PAK3: variants seen among roughly 807,000 people sequenced by gnomAD.
PAK3 encodes the protein serine/threonine-protein kinase PAK 3.
Under a neutral mutation model 41.0 loss-of-function variants are expected in PAK3, and 4 were observed. The ratio of observed to expected loss-of-function variants is 0.10; its 90% CI spans 0.05 to 0.22. PAK3 has a LOEUF of 0.22. Among genes scored for constraint, PAK3 ranks in the 10% least tolerant of loss-of-function variants. The pLI, the probability that PAK3 is intolerant of heterozygous loss-of-function variation, is 1.00. For synonymous variants in PAK3, 146 were observed against 139.6 expected, an observed-to-expected ratio of 1.05 and a Z score of -0.32; for missense variants, 205 against 409.9, an observed-to-expected ratio of 0.50 and a Z score of 4.32.
chrX:111,093,337 T>C (rs1040765805), upstream of PAK3, among the ~76,000 whole-genome samples: 4 of 111,752 alleles, frequency 3.6e-5, no homozygotes, highest in African/African-American at 9.8e-5. Flanking sequence ...GATGGGGAGA[T>C]ACAAAAGTGG....
chrX:111,200,463 T>C (rs1270452096), intron 16 of PAK3, among the ~76,000 whole-genome samples: 2 of 111,816 alleles, frequency 1.8e-5, no homozygotes, highest in African/African-American at 6.5e-5. Context: ...CATGCAACAA[T>C]CTGGAAATGA....
At position 110,944,802 on chromosome X, in the gene PAK3, C is replaced by A. The variant is rs1184572582; in HGVS notation, c.-28+174C>A. 6.2e-5 allele frequency among the ~76,000 whole-genome samples: 7 copies of A among 112,214 alleles called. 1 individual carries two copies. Among genetic ancestry groups the A allele is most frequent in the Non-Finnish European group, 5.6e-5 (3 of 53,189 alleles). ...AGGCAGCTGGTTCCCTTTGCCAGTT[C>A]GCCTTCCTTTTTGGTTCATGGCGAG... On this transcript the variant is annotated intron_variant, in intron 1 of 14. Coordinates refer to the PAK3 transcript ENST00000425146.
intron 1 of PAK3, among the ~76,000 whole-genome samples, chrX:110,971,953 C>T (rs1602592329): frequency 9.0e-6 from 1 of 111,282 alleles, no homozygotes; most frequent in Admixed American, 9.6e-5. Context: ...AATAAAACTT[C>T]TTGGCACCCT....
chrX:110,997,924 C>G (rs1020564171), intron 1 of PAK3, among the ~76,000 whole-genome samples: 6 of 111,219 alleles, frequency 5.4e-5, no homozygotes, highest in South Asian at 3.8e-4. Flanking sequence ...TATGAGAAAG[C>G]GGGCCCTCAC....
At chrX:111,180,256 C>T (rs1405619921) in intron 11 of PAK3, among the ~76,000 whole-genome samples, 1 of 111,560 alleles carries the variant, frequency 9.0e-6, no homozygotes, top group African/African-American at 3.3e-5. Context: ...TCAAACTATT[C>T]CATCTTTAGC....
At chrX:111,112,023 T>C (rs2093381873) in intron 4 of PAK3, among the ~76,000 whole-genome samples, 2 of 111,437 alleles carry the variant, frequency 1.8e-5, no homozygotes, top group Non-Finnish European at 1.9e-5. Context: ...TCCATGTTCC[T>C]ACCTGGAACA....
intron 5 of PAK3, among the ~76,000 whole-genome samples, chrX:111,141,013 G>A (rs1002417222): frequency 1.8e-5 from 2 of 111,993 alleles, no homozygotes; most frequent in Admixed American, 1.9e-4. Flanking sequence ...TGGCAATTCT[G>A]AAGTTGATTG....
chrX:111,020,749 C>T (rs962104141), intron 1 of PAK3, among the ~76,000 whole-genome samples: 14 of 111,439 alleles, frequency 1.3e-4, no homozygotes, highest in African/African-American at 4.6e-4. Flanking sequence ...GGCTTGTGGT[C>T]TGGGGTAAGT....
chrX:111,040,401 G>A (rs1163833572), intron 1 of PAK3, among the ~76,000 whole-genome samples: 3 of 111,492 alleles, frequency 2.7e-5, no homozygotes, highest in Non-Finnish European at 5.7e-5. Context: ...ATCAATTACT[G>A]GAAACAGACA....
intron 7 of PAK3, among the ~76,000 whole-genome samples, chrX:111,148,557 G>A (rs1170528471): frequency 1.8e-5 from 2 of 111,415 alleles, no homozygotes; most frequent in African/African-American, 6.5e-5. Flanking sequence ...TGGACTTACG[G>A]TTCCACATGG....
At chrX:111,039,191 C>A (rs1333045849) in intron 1 of PAK3, among the ~76,000 whole-genome samples, 1 of 112,446 alleles carries the variant, frequency 8.9e-6, no homozygotes, top group Non-Finnish European at 1.9e-5. Context: ...AAACCTGCCA[C>A]CCTTCCCTTG....
intron 1 of PAK3, among the ~76,000 whole-genome samples, chrX:111,024,113 G>C (rs1232372184): frequency 9.0e-6 from 1 of 111,730 alleles, no homozygotes; most frequent in Non-Finnish European, 1.9e-5. Flanking sequence ...TCTGCATATG[G>C]CTAGCCAGTT....
rs145601520 is a variant in PAK3, at chrX:111,080,910, A to G, written c.-27-42167A>G. Reference sequence around the variant, plus strand: ...GAATACTATTCAGCCTTAAAAAGGAAGGTATTCCTGTCATTTGTGACAACA... The same window carrying G: ...GAATACTATTCAGCCTTAAAAAGGAGGGTATTCCTGTCATTTGTGACAACA... On this transcript the variant is annotated intron_variant, in intron 1 of 14. Coordinates refer to the PAK3 transcript ENST00000425146. 5.5e-3 allele frequency among the ~76,000 whole-genome samples: 616 copies of G among 112,023 alleles called. 22 individuals carry two copies. Among genetic ancestry groups the G allele is most frequent in the Admixed American group, 0.051 (537 of 10,524 alleles).
intron 7 of PAK3, among the ~76,000 whole-genome samples, chrX:111,151,170 A>T: frequency 8.9e-6 from 1 of 112,538 alleles, no homozygotes; most frequent in Non-Finnish European, 1.9e-5. Flanking sequence ...AAAATGTTTC[A>T]TGTGAGAAAA....
intron 1 of PAK3, among the ~76,000 whole-genome samples, chrX:111,090,820 T>C (rs1162066655): frequency 7.1e-5 from 8 of 112,673 alleles, no homozygotes; most frequent in Non-Finnish European, 1.1e-4. Flanking sequence ...CTTCATTCTT[T>C]ATCCCCTAGA....
At chrX:111,042,020 T>C (rs1237093380) in intron 1 of PAK3, among the ~76,000 whole-genome samples, 2 of 112,349 alleles carry the variant, frequency 1.8e-5, no homozygotes, top group Non-Finnish European at 3.8e-5. Context: ...TGTCTCTGTC[T>C]AGACAGTAAG....
chrX:111,146,200 C>T (rs145253446), intron 6 of PAK3, among the ~76,000 whole-genome samples: 2,175 of 112,037 alleles, frequency 0.019, 45 homozygotes, highest in African/African-American at 0.062. Context: ...CCTCCAAATT[C>T]ATGTTTCTGC....
intron 1 of PAK3, among the ~76,000 whole-genome samples, chrX:111,027,883 C>G (rs2148741065): frequency 9.2e-6 from 1 of 109,057 alleles, no homozygotes; most frequent in South Asian, 4.0e-4. Flanking sequence ...TTTATAGCAG[C>G]ACAATTTGCA....
chrX:111,047,213 G>C (rs755509883), intron 1 of PAK3, among the ~76,000 whole-genome samples: 1 of 111,920 alleles, frequency 8.9e-6, no homozygotes, highest in Non-Finnish European at 1.9e-5. Context: ...GGACTAATGC[G>C]TGAGGATGTG....
Sources: gnomAD v4.1 joint callset for allele counts (sites outside exome capture counted in the v4.1 genomes callset) on GRCh38, gnomAD v4.1.1 for gene constraint, MANE v1.5 for transcripts, NCBI Gene and HGNC (gene_info 2026-07-23, HGNC 2026-07-21) for gene names.